The following ZC3H18 variants were observed in gnomAD, a reference collection of about 807,000 sequenced individuals.
ZC3H18 encodes zinc finger CCCH domain-containing protein 18.
Under a neutral mutation model 106.1 loss-of-function variants are expected in ZC3H18, and 8 were observed. The observed-to-expected ratio is 0.08, with a 90% CI of 0.04 to 0.14. The LOEUF is 0.14. Among genes scored for constraint, ZC3H18 ranks in the 10% least tolerant of loss-of-function variants. The pLI is 1.00. For missense variants in ZC3H18, 1,318 were observed against 1,278.4 expected, an observed-to-expected ratio of 1.03 and a Z score of -0.47; for synonymous variants, 635 against 522.1, an observed-to-expected ratio of 1.22 and a Z score of -2.95.
At chr16:88,623,594 C>A in intron 10 of ZC3H18, 1 of 590,300 alleles carries the variant, frequency 1.7e-6, no homozygotes, top group Non-Finnish European at 2.9e-6. Context: ...TGAGGCACTC[C>A]AGTCCTCCGC....
chr16:88,619,691 C>T (rs1017430355), intron 8 of ZC3H18, among the ~76,000 whole-genome samples: 1 of 152,164 alleles, frequency 6.6e-6, no homozygotes, highest in Non-Finnish European at 1.5e-5. Context: ...AGGGGGCAAG[C>T]AGACGCTGTT....
At chr16:88,601,314 T>G (rs1904739137) in intron 6 of ZC3H18, among the ~76,000 whole-genome samples, 1 of 152,216 alleles carries the variant, frequency 6.6e-6, no homozygotes, top group Non-Finnish European at 1.5e-5. Flanking sequence ...CCTGGAGGCC[T>G]TTGTGTTTTT....
chr16:88,609,065 C>A lies in ZC3H18; in HGVS notation c.1206+14C>A. 6.4e-7 allele frequency: 1 copy of A among 1,573,324 alleles called. No individual in the cohort carries two copies. Among genetic ancestry groups the A allele is most frequent in the Non-Finnish European group, 8.7e-7 (1 of 1,144,414 alleles). ...CATAATTACCGAGTAAGTATGACTT[C>A]AATATCCACATATGAACTTCATGAT... is the stretch of plus-strand genomic sequence containing the variant. On this transcript the variant is annotated intron_variant, in intron 7 of 17. Coordinates refer to ENST00000301011, the MANE Select transcript of ZC3H18 (RefSeq NM_144604.4).
intron 8 of ZC3H18, 69 bp downstream of exon 8, chr16:88,611,605 CT>C (rs1905279405): frequency 2.0e-6 from 3 of 1,501,882 alleles, no homozygotes; most frequent in East Asian, 4.9e-5. Context: ...CCTAGTCCCC[CT>C]GGCCTGCGCT....
intron 3 of ZC3H18, among the ~76,000 whole-genome samples, chr16:88,595,613 C>G (rs1280324486): frequency 1.3e-5 from 2 of 151,252 alleles, no homozygotes; most frequent in Admixed American, 6.6e-5. Flanking sequence ...TTGAGACCAG[C>G]CTGGCTAACA....
At chr16:88,621,727 GT>G (rs1008818131) in intron 8 of ZC3H18, among the ~76,000 whole-genome samples, 2 of 152,170 alleles carry the variant, frequency 1.3e-5, no homozygotes, top group African/African-American at 4.8e-5. Flanking sequence ...CCGACCTCAA[GT>G]AATCCACCCG....
intron 3 of ZC3H18, among the ~76,000 whole-genome samples, chr16:88,594,342 A>T (rs562609458): frequency 6.6e-6 from 1 of 152,360 alleles, no homozygotes; most frequent in South Asian, 2.1e-4. Flanking sequence ...TATCGTACGT[A>T]TCAATAGAAA....
rs913496385 is a variant in ZC3H18, at chr16:88,598,483, G to C, written c.838-137G>C. 1.1e-5 allele frequency: 16 copies of C among 1,455,536 alleles called. No homozygotes were observed. The African/African-American group carries it at 2.0e-4, about 18-fold the overall frequency. 90.2% of individuals were successfully genotyped at this position (1,455,536 alleles called of 1,614,324 possible). On this transcript the variant is annotated intron_variant, in intron 4 of 17. Coordinates refer to ENST00000301011, the MANE Select transcript of ZC3H18 (RefSeq NM_144604.4). ...GTGGAAGCAGGCCTCGGCTTTCCGAGGACGGAGTGAGGCTTGGTGGAAGGA... is the reference window on the plus strand; with the variant it reads ...GTGGAAGCAGGCCTCGGCTTTCCGACGACGGAGTGAGGCTTGGTGGAAGGA...
At chr16:88,582,562 G>C (rs1050983838) in intron 2 of ZC3H18, among the ~76,000 whole-genome samples, 6 of 152,034 alleles carry the variant, frequency 3.9e-5, no homozygotes, top group Non-Finnish European at 8.8e-5. Context: ...GTTCTCTTCC[G>C]TGTCACTGAT....
intron 6 of ZC3H18, among the ~76,000 whole-genome samples, chr16:88,603,014 G>A (rs1473046299): frequency 6.6e-6 from 1 of 151,878 alleles, no homozygotes. Context: ...ACCCAGGCTG[G>A]AGTGTAGTGG....
chr16:88,573,231 G>C (rs577885449), intron 1 of ZC3H18, among the ~76,000 whole-genome samples: 1 of 152,056 alleles, frequency 6.6e-6, no homozygotes, highest in African/African-American at 2.4e-5. Context: ...GGCACCAGGC[G>C]CTCCGCTTAG....
rs779898184 is a variant in ZC3H18, at chr16:88,577,472, T to G, written c.349T>G (p.Ser117Ala). ...DRTSDLRDEASSVTRELDEHE... is the reference protein window; with the variant it reads ...DRTSDLRDEAASVTRELDEHE... Reference sequence around the variant, plus strand: ...GACAAGCGACCTTAGGGATGAGGCCTCCTCAGTCACCAGGGAGCTGGATGA... The same window carrying G: ...GACAAGCGACCTTAGGGATGAGGCCGCCTCAGTCACCAGGGAGCTGGATGA... Residue 117 changes from serine (S) to alanine (A), a missense_variant, in exon 2 of 18, where the codon TCC becomes GCC. This residue lies in a region of ZC3H18 where 346 missense variants were observed against 269.0 expected (regional missense o/e 1.29). Coordinates refer to ENST00000301011, the MANE Select transcript of ZC3H18 (RefSeq NM_144604.4). The G allele has an allele frequency of 2.7e-5, 43 of 1,612,482 alleles. No individual in the cohort carries two copies. Among genetic ancestry groups the G allele is most frequent in the Admixed American group, 8.3e-5 (5 of 59,918 alleles).
chr16:88,605,930 T>C (rs1040278343), intron 6 of ZC3H18, among the ~76,000 whole-genome samples: 2 of 152,242 alleles, frequency 1.3e-5, no homozygotes, highest in Admixed American at 1.3e-4. Context: ...CCACTCCACG[T>C]GCCAGTGCTG....
At chr16:88,602,080 G>A (rs150719218) in intron 6 of ZC3H18, among the ~76,000 whole-genome samples, 10 of 152,376 alleles carry the variant, frequency 6.6e-5, no homozygotes, top group African/African-American at 2.2e-4. Flanking sequence ...CACTGCAAGT[G>A]CAGATGTCCT....
intron 3 of ZC3H18, among the ~76,000 whole-genome samples, chr16:88,588,181 G>A (rs879490537): frequency 3.9e-4 from 60 of 152,224 alleles, no homozygotes; most frequent in Admixed American, 2.4e-3. Flanking sequence ...TTCCATAATA[G>A]TGTGGGAATT....
chr16:88,574,860 C>T (rs1452333446), intron 1 of ZC3H18, among the ~76,000 whole-genome samples: 3 of 144,808 alleles, frequency 2.1e-5, no homozygotes, highest in South Asian at 2.2e-4. Context: ...GACGGAGTCT[C>T]GCTCTGTCGC....
intron 3 of ZC3H18, among the ~76,000 whole-genome samples, chr16:88,589,268 A>G (rs1169570512): frequency 1.3e-5 from 2 of 152,220 alleles, no homozygotes; most frequent in African/African-American, 2.4e-5. Flanking sequence ...GTTCCTCAGA[A>G]GCTCCCGGGT....
intron 1 of ZC3H18, among the ~76,000 whole-genome samples, chr16:88,575,192 G>A (rs1227583053): frequency 6.6e-6 from 1 of 151,806 alleles, no homozygotes; most frequent in Non-Finnish European, 1.5e-5. Flanking sequence ...TTTAACTGTA[G>A]GTTGATACCA....
At chr16:88,624,188 C>T in intron 11 of ZC3H18, 126 bp downstream of exon 11, 1 of 1,342,164 alleles carries the variant, frequency 7.5e-7, no homozygotes, top group Non-Finnish European at 1.0e-6. Flanking sequence ...AGGGGGCTGG[C>T]CCCAGGGGGT....
Sources: allele counts gnomAD v4.1 joint callset (sites outside exome capture counted in the v4.1 genomes callset), GRCh38; gene constraint gnomAD v4.1.1; regional missense constraint gnomAD v4.1.1; transcripts MANE v1.5; gene names NCBI Gene and HGNC (gene_info 2026-07-23, HGNC 2026-07-21).